Variants in CPSF2 observed in about 807,000 individuals in gnomAD.
CPSF2 encodes the protein cleavage and polyadenylation specific factor 2.
A neutral mutation model predicts 84.2 loss-of-function variants in CPSF2; 51 were observed. That is an observed-to-expected ratio of 0.61 (90% CI 0.48 to 0.77). CPSF2 has a LOEUF of 0.77. Among genes scored for constraint, CPSF2 ranks in the 30% least tolerant of loss-of-function variants. The pLI is 0.00. For synonymous variants in CPSF2, 286 were observed against 311.9 expected (o/e 0.92, Z 0.87); for missense variants, 641 against 929.4 (o/e 0.69, Z 4.03).
intron 13 of CPSF2, among the ~76,000 whole-genome samples, chr14:92,158,701 T>A (rs536680220): frequency 2.4e-4 from 36 of 152,312 alleles, no homozygotes; most frequent in African/African-American, 7.7e-4. Context: ...TTACCAGTTA[T>A]GTTAGAAACA....
Position 92,154,349 on chromosome 14 carries a change from T to C in CPSF2, c.1141-9T>C. On this transcript the variant is annotated splice_polypyrimidine_tract_variant and intron_variant, in intron 9 of 15. Transcript: ENST00000298875. ...TTAACATTTCCTTTTGTCTTTTATT[T>C]TTTTTTAGTTGAGGAAACGTGTGAA... 1.3e-6 allele frequency: 2 copies of C among 1,584,934 alleles called. No individual in the cohort carries two copies. Among genetic ancestry groups the C allele is most frequent in the Non-Finnish European group, 1.7e-6 (2 of 1,167,886 alleles).
intron 2 of CPSF2, among the ~76,000 whole-genome samples, chr14:92,128,763 G>C (rs1008368048): frequency 3.9e-5 from 6 of 152,202 alleles, no homozygotes; most frequent in Non-Finnish European, 8.8e-5. Context: ...GAATACTAGA[G>C]TAAGTAAGGT....
intron 1 of CPSF2, among the ~76,000 whole-genome samples, chr14:92,122,786 G>A (rs576573378): frequency 1.3e-5 from 2 of 152,164 alleles, no homozygotes; most frequent in South Asian, 4.2e-4. Flanking sequence ...GCGAACCTGA[G>A]CTATCATTTA....
In CPSF2 at chr14:92,169,164, G is replaced by A. The variant is rs1354293511; in HGVS notation, c.*7420G>A. 6.6e-6 allele frequency: 1 copy of A among 152,094 alleles called. No homozygotes were observed. Among genetic ancestry groups the A allele is most frequent in the African/African-American group, 2.4e-5 (1 of 41,416 alleles). 9.4% of individuals were successfully genotyped at this position (152,094 alleles called of 1,614,324 possible). A position where few individuals can be genotyped will look rare whatever the true frequency, so the allele number is the denominator to read the frequency against. On this transcript the variant is annotated 3_prime_UTR_variant, in exon 16 of 16. Coordinates refer to ENST00000298875, the MANE Select transcript of CPSF2 (RefSeq NM_017437.3). The stretch of plus-strand genomic sequence containing the variant: ...CTCTGTGGGAAACTTTATTCCAAGG[G>A]TGCTGCCACTGCCCTTGTTTTAAAT...
chr14:92,131,101 C>G lies in CPSF2; in HGVS notation c.117C>G (p.His39Gln), dbSNP rs534953051. 6.2e-7 allele frequency: 1 copy of G among 1,611,148 alleles called. No homozygotes were observed. Among genetic ancestry groups the G allele is most frequent in the Admixed American group, 1.7e-5 (1 of 59,406 alleles). ...TATTGGACTGTGGCTGGGATGAGCA[C>G]TTTTCTATGGATATTATTGATTCCC... ...RFLLDCGWDE[H>Q]FSMDIIDSLR... Residue 39 changes from histidine (H) to glutamine (Q), a missense_variant, in exon 3 of 16, where the codon CAC (histidine) becomes CAG (glutamine). His to Gln is a conservative substitution (Grantham distance 24). Coordinates refer to ENST00000298875, the MANE Select transcript of CPSF2 (RefSeq NM_017437.3).
At position 92,154,760 on chromosome 14, in the gene CPSF2, T is replaced by G. The variant is rs564272963; in HGVS notation, c.1241+302T>G. On this transcript the variant is annotated intron_variant, in intron 10 of 15. Transcript: ENST00000298875. ...GGGGATTTAGTCATTGTGCAAACAT[T>G]AGGATATATGTTTACACAAACCTTG... is the stretch of plus-strand genomic sequence containing the variant. Among the ~76,000 whole-genome samples, 3 of 152,314 alleles carry G rather than the reference T, an allele frequency of 2.0e-5. No individual in the cohort carries two copies. The South Asian group carries it at 6.2e-4, about 32-fold the overall frequency.
chr14:92,156,473 A>G lies in CPSF2; in HGVS notation c.1443-6A>G. The G allele has an allele frequency of 6.2e-7, 1 of 1,607,488 alleles. No individual in the cohort carries two copies. The highest frequency in any genetic ancestry group is 8.5e-7 in the Non-Finnish European group (1 of 1,178,170). Reference sequence around the variant, plus strand: ...TACTGCTTCTAATTAGAGACTTATTATTTAGACCAGAGGATTTCTTAGTGC... The same window carrying G: ...TACTGCTTCTAATTAGAGACTTATTGTTTAGACCAGAGGATTTCTTAGTGC... On this transcript the variant is annotated splice_region_variant and splice_polypyrimidine_tract_variant and intron_variant, in intron 11 of 15. Transcript: ENST00000298875.
chr14:92,136,576 G>A (rs941430898), intron 6 of CPSF2, among the ~76,000 whole-genome samples: 1 of 152,150 alleles, frequency 6.6e-6, no homozygotes, highest in Non-Finnish European at 1.5e-5. Flanking sequence ...TTGTTACCTC[G>A]TCCTCCCTGC....
chr14:92,123,712 T>C (rs2068809875), intron 1 of CPSF2, among the ~76,000 whole-genome samples: 1 of 152,190 alleles, frequency 6.6e-6, no homozygotes, highest in Admixed American at 6.5e-5. Context: ...TGCACGATTA[T>C]TATTAAGAGG....
At chr14:92,138,197 A>G in intron 6 of CPSF2, 35 bp from the exon 7 acceptor site, 1 of 1,080,120 alleles carries the variant, frequency 9.3e-7, no homozygotes, top group Non-Finnish European at 1.4e-6. Flanking sequence ...ACTTGAAATG[A>G]TATAAAATAT....
chr14:92,156,128 A>G (rs2069286447), intron 11 of CPSF2, among the ~76,000 whole-genome samples: 2 of 152,126 alleles, frequency 1.3e-5, no homozygotes, highest in South Asian at 4.1e-4. Context: ...TCTCCACTAA[A>G]AATACAAAAA....
chr14:92,161,715 C>T lies in CPSF2; in HGVS notation c.2320C>T (p.Leu774Phe). ...TCAAGATTTTTATAGGATAAGAGAC[C>T]TTTTATATGAACAATATGCCATTGT... ...LCQDFYRIRD[L>F]LYEQYAIV The change falls in exon 16 of 16, where the codon CTT becomes TTT. Residue 774 changes from leucine to phenylalanine, a missense_variant. Leu to Phe is a conservative substitution (Grantham distance 22). Transcript: ENST00000298875. The T allele has an allele frequency of 6.3e-7, 1 of 1,589,288 alleles. No individual in the cohort carries two copies. The highest frequency in any genetic ancestry group is 8.6e-7 in the Non-Finnish European group (1 of 1,169,482).
At chr14:92,134,983 A>C (rs1192565851) in intron 5 of CPSF2, among the ~76,000 whole-genome samples, 1 of 152,198 alleles carries the variant, frequency 6.6e-6, no homozygotes, top group East Asian at 1.9e-4. Flanking sequence ...ATGAGATTTA[A>C]ATTATTCTGT....
Position 92,167,349 on chromosome 14 carries a change from TC to T in CPSF2, c.*5606del, listed in dbSNP as rs1370820274. On this transcript the variant is annotated 3_prime_UTR_variant, in exon 16 of 16. Transcript: ENST00000298875. ...TACCAATTTCTGCAAAAAAGCCCAC[TC>T]ATTTTTAATAGGAGGTAAAAAGCAG... 6.6e-6 allele frequency: 1 copy of T among 152,144 alleles called. No individual in the cohort carries two copies. Among genetic ancestry groups the T allele is most frequent in the Non-Finnish European group, 1.5e-5 (1 of 68,012 alleles). 9.4% of individuals were successfully genotyped at this position (152,144 alleles called of 1,614,324 possible).
chr14:92,138,458 T>C, intron 7 of CPSF2, 111 bp downstream of exon 7: 2 of 508,056 alleles, frequency 3.9e-6, no homozygotes, highest in South Asian at 9.2e-5. Flanking sequence ...GAGACGGACT[T>C]TCGCTCTTTC....
chr14:92,142,409 G>A (rs2069090226), intron 8 of CPSF2, 58 bp downstream of exon 8: 1 of 1,324,346 alleles, frequency 7.6e-7, no homozygotes, highest in Non-Finnish European at 1.0e-6. Flanking sequence ...GTCTGTGGAA[G>A]TGGGCGTCTT....
chr14:92,124,579 G>C (rs2068821947), intron 1 of CPSF2, among the ~76,000 whole-genome samples: 1 of 152,188 alleles, frequency 6.6e-6, no homozygotes, highest in Non-Finnish European at 1.5e-5. Flanking sequence ...CTGCACTTTA[G>C]GGGTGACAAC....
chr14:92,146,985 A>G (rs2069152601), intron 9 of CPSF2, among the ~76,000 whole-genome samples: 2 of 151,934 alleles, frequency 1.3e-5, no homozygotes, highest in South Asian at 4.2e-4. Flanking sequence ...CTACAGATTT[A>G]AAATACCTGC....
chr14:92,131,862 A>C (rs188772372), intron 3 of CPSF2, among the ~76,000 whole-genome samples: 65 of 152,220 alleles, frequency 4.3e-4, no homozygotes, highest in Admixed American at 7.2e-4. Flanking sequence ...ATAAAATAAA[A>C]AGTCAATGAT....
Sources: gnomAD v4.1 joint callset for allele counts (sites outside exome capture counted in the v4.1 genomes callset) on GRCh38, gnomAD v4.1.1 for gene constraint, MANE v1.5 for transcripts, NCBI Gene and HGNC (gene_info 2026-07-23, HGNC 2026-07-21) for gene names.